Variants in SORBS2 observed in about 807,000 individuals in gnomAD.
SORBS2 encodes the protein sorbin and SH3 domain containing 2, also known as sorbin and SH3 domain-containing protein 2.
Under a neutral mutation model 97.7 loss-of-function variants are expected in SORBS2, and 46 were observed. The ratio of observed to expected loss-of-function variants is 0.47; its 90% CI spans 0.37 to 0.60. The LOEUF (loss-of-function observed/expected upper bound fraction) is 0.60, where lower values mean the gene tolerates loss of function less well. Ranked by LOEUF, SORBS2 falls within the 20% of genes least tolerant of loss-of-function variation. The probability of loss-of-function intolerance (pLI) is 0.00; values close to 1 mark genes in which losing one functional copy is unlikely to be tolerated. For missense variants in SORBS2, 1,316 were observed against 1,282.3 expected (o/e 1.03, Z -0.40); for synonymous variants, 476 against 473.4 (o/e 1.01, Z -0.07).
chr4:185,691,480 A>T (rs553912618), intron 2 of SORBS2, among the ~76,000 whole-genome samples: 1 of 152,328 alleles, frequency 6.6e-6, no homozygotes, highest in South Asian at 2.1e-4. Context: ...TTTAAAAGTG[A>T]CCCTGGCACT....
chr4:185,629,526 A>G (rs1561523457), intron 5 of SORBS2, among the ~76,000 whole-genome samples: 1 of 146,864 alleles, frequency 6.8e-6, no homozygotes, highest in African/African-American at 2.5e-5. Context: ...CAATATTACT[A>G]TTGAACTATG....
intron 1 of SORBS2, among the ~76,000 whole-genome samples, chr4:185,936,967 GAGGACT>G (rs1370538053): frequency 6.6e-6 from 1 of 152,226 alleles, no homozygotes. Flanking sequence ...TAGACAGTAA[GAGGACT>G]ACCTTCTAAA....
In SORBS2 at chr4:185,593,869, A is replaced by T; in HGVS notation, c.2846+17T>A. Reference sequence around the variant, plus strand: ...TCAAGGTTAGTCTCAAATTTAGAAGATAAGAAGAATACTTACGGTTCCCCC... The same window carrying T: ...TCAAGGTTAGTCTCAAATTTAGAAGTTAAGAAGAATACTTACGGTTCCCCC... On this transcript the variant is annotated intron_variant, in intron 13 of 14. Coordinates refer to ENST00000418609, the Ensembl canonical transcript of SORBS2. 2.6e-6 allele frequency: 4 copies of T among 1,551,634 alleles called. No individual in the cohort carries two copies. Among genetic ancestry groups the T allele is most frequent in the Non-Finnish European group, 3.6e-6 (4 of 1,123,210 alleles).
chr4:185,830,544 C>G (rs529998883), intron 1 of SORBS2, among the ~76,000 whole-genome samples: 9 of 152,296 alleles, frequency 5.9e-5, no homozygotes, highest in African/African-American at 2.2e-4. Context: ...CTTTTGATCT[C>G]TGAAGTGCAA....
At chr4:185,950,057 G>T (rs1359670010) in intron 1 of SORBS2, among the ~76,000 whole-genome samples, 4 of 152,154 alleles carry the variant, frequency 2.6e-5, no homozygotes, top group African/African-American at 7.2e-5. Flanking sequence ...TTCGAAACCA[G>T]CCTGGCCACC....
At position 185,623,715 on chromosome 4, in the gene SORBS2, G is replaced by A. The variant is rs775539307; in HGVS notation, c.1414C>T (p.Arg472Trp). 4.3e-6 allele frequency: 7 copies of A among 1,613,918 alleles called. No individual in the cohort carries two copies. The highest frequency in any genetic ancestry group is 2.2e-5 in the South Asian group (2 of 91,080). ...AGGGCGTTAGACTGGCAGCCTCGCC[G>A]GCCCCGAGCGGGGGGGCCGCTTTGA... Residue 472 changes from arginine (R) to tryptophan (W), a missense_variant, in exon 7 of 15, where the codon CGG (arginine) becomes TGG (tryptophan). Coordinates refer to ENST00000418609, the Ensembl canonical transcript of SORBS2. The surrounding 1 kb of genome is among the most constrained non-coding windows in gnomAD (Gnocchi z 6.4).
chr4:185,713,060 C>G (rs1196479043), intron 2 of SORBS2, among the ~76,000 whole-genome samples: 1 of 152,058 alleles, frequency 6.6e-6, no homozygotes, highest in Non-Finnish European at 1.5e-5. Context: ...AGGCATTCTC[C>G]TATTCAAAGC....
intron 2 of SORBS2, among the ~76,000 whole-genome samples, chr4:185,705,649 A>G (rs1367712784): frequency 6.7e-6 from 1 of 149,952 alleles, no homozygotes; most frequent in African/African-American, 2.5e-5. Context: ...TTTCACTGCT[A>G]TACACTCAGC....
At chr4:185,799,714 C>T (rs953253779) in intron 1 of SORBS2, among the ~76,000 whole-genome samples, 22 of 152,314 alleles carry the variant, frequency 1.4e-4, no homozygotes, top group African/African-American at 4.8e-5. Flanking sequence ...TAGTGGCTGA[C>T]GTCTGTGAGA....
At chr4:185,811,555 G>A (rs1406813144) in intron 1 of SORBS2, 109 bp downstream of exon 1, 1 of 152,178 alleles carries the variant, frequency 6.6e-6, no homozygotes, top group Non-Finnish European at 1.5e-5. Flanking sequence ...ATGTGTCTGT[G>A]TATGTTTGTT....
intron 2 of SORBS2, among the ~76,000 whole-genome samples, chr4:185,682,928 G>A (rs1448743213): frequency 6.6e-6 from 1 of 150,828 alleles, no homozygotes; most frequent in Non-Finnish European, 1.5e-5. Context: ...GCAGGAGAAT[G>A]CTTGAACCTG....
intron 1 of SORBS2, among the ~76,000 whole-genome samples, chr4:185,805,001 TA>T (rs2099146927): frequency 2.0e-5 from 3 of 152,120 alleles, no homozygotes; most frequent in African/African-American, 7.2e-5. Flanking sequence ...TTTTCTTTCT[TA>T]TTCTTTTTTA....
intron 1 of SORBS2, among the ~76,000 whole-genome samples, chr4:185,799,320 C>T (rs561007267): frequency 1.4e-4 from 21 of 152,256 alleles, no homozygotes; most frequent in African/African-American, 5.1e-4. Context: ...TTTTAGAGAA[C>T]CTATTGATGC....
At chr4:185,821,621 G>A (rs532985313) in intron 1 of SORBS2, among the ~76,000 whole-genome samples, 6 of 151,986 alleles carry the variant, frequency 3.9e-5, no homozygotes, top group East Asian at 3.9e-4. Context: ...ACGGGGTTTC[G>A]CCATGTTGAC....
chr4:185,707,179 C>T (rs903794932), intron 2 of SORBS2, among the ~76,000 whole-genome samples: 7 of 152,044 alleles, frequency 4.6e-5, no homozygotes, highest in African/African-American at 1.4e-4. Flanking sequence ...CTCACAACAA[C>T]CAAACAAGCT....
chr4:185,828,275 A>G (rs1292741928), intron 1 of SORBS2, among the ~76,000 whole-genome samples: 1 of 152,096 alleles, frequency 6.6e-6, no homozygotes, highest in Non-Finnish European at 1.5e-5. Flanking sequence ...AGGAGCCTGG[A>G]CCTTGGGAGC....
intron 1 of SORBS2, among the ~76,000 whole-genome samples, chr4:185,866,574 T>C (rs2149725660): frequency 6.6e-6 from 1 of 152,352 alleles, no homozygotes; most frequent in Admixed American, 6.5e-5. Context: ...TCGCTTGCTT[T>C]AGTTCAAATC....
chr4:185,772,356 C>T (rs1294321885), intron 2 of SORBS2: 1 of 152,044 alleles, frequency 6.6e-6, no homozygotes, highest in Non-Finnish European at 1.5e-5. Flanking sequence ...TGCAATGTTC[C>T]CTTGGAGTAT....
At chr4:185,652,507 G>T (rs1220494386) in intron 2 of SORBS2, among the ~76,000 whole-genome samples, 155 bp downstream of exon 10, 4 of 152,148 alleles carry the variant, frequency 2.6e-5, no homozygotes, top group African/African-American at 9.7e-5. Flanking sequence ...TCACCGGAGG[G>T]GTGACAGAAG....
Sources: allele counts gnomAD v4.1 joint callset (sites outside exome capture counted in the v4.1 genomes callset), GRCh38; gene constraint gnomAD v4.1.1; non-coding constraint Gnocchi (gnomAD v3.1); transcripts MANE v1.5; gene names NCBI Gene and HGNC (gene_info 2026-07-23, HGNC 2026-07-21).